GIGYF2: variants seen among roughly 807,000 people sequenced by gnomAD.
GIGYF2 encodes GRB10-interacting GYF protein 2.
Under a neutral mutation model 208.1 loss-of-function variants are expected in GIGYF2, and 25 were observed. The observed-to-expected ratio is 0.12, with a 90% CI of 0.09 to 0.17. The LOEUF is 0.17. GIGYF2 is among the 10% of genes least tolerant of loss of function. The pLI, the probability that GIGYF2 is intolerant of heterozygous loss-of-function variation, is 1.00. For missense variants in GIGYF2, 1,302 were observed against 1,579.4 expected, an observed-to-expected ratio of 0.82 and a Z score of 2.98; for synonymous variants, 534 against 543.8, an observed-to-expected ratio of 0.98 and a Z score of 0.25.
chr2:232,836,925 A>C (rs1461523676), intron 22 of GIGYF2, among the ~76,000 whole-genome samples: 1 of 152,098 alleles, frequency 6.6e-6, no homozygotes, highest in Non-Finnish European at 1.5e-5. Flanking sequence ...CTACACCACT[A>C]CCCTCAGACA....
intron 8 of GIGYF2, among the ~76,000 whole-genome samples, chr2:232,780,773 C>G (rs1270374850): frequency 6.6e-6 from 1 of 152,126 alleles, no homozygotes; most frequent in Admixed American, 6.5e-5. Flanking sequence ...TGTCATGGTG[C>G]TGACGTTACA....
At chr2:232,775,385 A>G (rs548423130) in intron 8 of GIGYF2, among the ~76,000 whole-genome samples, 1 of 152,238 alleles carries the variant, frequency 6.6e-6, no homozygotes, top group Non-Finnish European at 1.5e-5. Context: ...TTAAAGCTCT[A>G]CAGACTTATG....
At chr2:232,845,022 T>C (rs1027380664) in intron 25 of GIGYF2, among the ~76,000 whole-genome samples, 7 of 152,242 alleles carry the variant, frequency 4.6e-5, no homozygotes, top group African/African-American at 1.7e-4. Flanking sequence ...CATCTTTCTT[T>C]CTTCAATATA....
intron 21 of GIGYF2, among the ~76,000 whole-genome samples, chr2:232,823,367 CT>C (rs1172308444): frequency 1.6e-3 from 44 of 27,846 alleles, no homozygotes; most frequent in Admixed American, 3.6e-3. Context: ...TTCTTTCTTT[CT>C]TTTTTTTTTT....
At chr2:232,727,837 T>C (rs78204118) in intron 2 of GIGYF2, among the ~76,000 whole-genome samples, 318 of 152,356 alleles carry the variant, frequency 2.1e-3, no homozygotes, top group Admixed American at 6.2e-3. Flanking sequence ...TCTAGGTCTT[T>C]TGGATACTTC....
At chr2:232,721,523 C>G (rs898357365) in intron 2 of GIGYF2, among the ~76,000 whole-genome samples, 1 of 152,162 alleles carries the variant, frequency 6.6e-6, no homozygotes, top group African/African-American at 2.4e-5. Flanking sequence ...GGTCTTCATC[C>G]TTCTCCATTC....
At chr2:232,748,101 A>G (rs1698216099) in intron 4 of GIGYF2, among the ~76,000 whole-genome samples, 1 of 152,218 alleles carries the variant, frequency 6.6e-6, no homozygotes, top group African/African-American at 2.4e-5. Context: ...TGCCACTTAA[A>G]AATAAAGAGC....
intron 8 of GIGYF2, among the ~76,000 whole-genome samples, chr2:232,772,160 C>T (rs1434229428): frequency 6.6e-6 from 1 of 152,164 alleles, no homozygotes; most frequent in Non-Finnish European, 1.5e-5. Context: ...GCCATCTTCC[C>T]ACTTCAGCCT....
Position 232,858,315 on chromosome 2 carries a change from T to C in GIGYF2, c.*1455T>C, listed in dbSNP as rs1293235080. The C allele has an allele frequency of 2.6e-6, 1 of 377,418 alleles. No individual in the cohort carries two copies. The highest frequency in any genetic ancestry group is 2.1e-5 in the African/African-American group (1 of 46,806). 23.4% of individuals were successfully genotyped at this position (377,418 alleles called of 1,614,324 possible). On this transcript the variant is annotated 3_prime_UTR_variant, in exon 29 of 29. Transcript: ENST00000373563. ...AGAGCAGTTTGGGTTTGGAGTATTA[T>C]ATTTGGCTTCTATTTTTATTATTTT... is the stretch of plus-strand genomic sequence containing the variant.
At chr2:232,851,582 G>A (rs574813867) in intron 28 of GIGYF2, among the ~76,000 whole-genome samples, 2 of 152,214 alleles carry the variant, frequency 1.3e-5, no homozygotes, top group South Asian at 4.1e-4. Flanking sequence ...GCCACACCTG[G>A]CTAATTTTTG....
intron 6 of GIGYF2, among the ~76,000 whole-genome samples, chr2:232,757,310 C>T (rs1024875269): frequency 3.3e-5 from 5 of 152,064 alleles, no homozygotes; most frequent in African/African-American, 1.2e-4. Context: ...GGTACTATTA[C>T]ATAGTTGTGT....
At chr2:232,756,197 C>CTTTTTTTTTTTTTTTTTTTTTTTTTTT in intron 5 of GIGYF2, 26 bp from the exon 6 acceptor site, 1 of 709,936 alleles carries the variant, frequency 1.4e-6, no homozygotes, top group Non-Finnish European at 2.2e-6. Flanking sequence ...TCCTTTTTCT[C>CTTTTTTTTTTTTTTTTTTTTTTTTTTT]TTTTTTTTTT....
intron 8 of GIGYF2, among the ~76,000 whole-genome samples, chr2:232,769,615 T>C (rs975005681): frequency 2.0e-5 from 3 of 152,024 alleles, no homozygotes; most frequent in African/African-American, 7.2e-5. Context: ...GAGGACTGAC[T>C]ATCAGGTAAT....
rs1699071355 is a variant in GIGYF2, at chr2:232,768,478, C to A, written c.532+7042C>A. The A allele has an allele frequency of 9.9e-6, 16 of 1,614,040 alleles. No homozygotes were observed. Among genetic ancestry groups the A allele is most frequent in the Non-Finnish European group, 1.2e-5 (14 of 1,180,024 alleles). The stretch of plus-strand genomic sequence containing the variant: ...ATTGCTGAAAGGAATACAACTAATT[C>A]AAAGTGAGAAGGATTTTCATGCTGG... On this transcript the variant is annotated intron_variant, in intron 8 of 28. Transcript: ENST00000373563.
At chr2:232,713,905 G>T (rs1696544352) in intron 2 of GIGYF2, among the ~76,000 whole-genome samples, 1 of 150,902 alleles carries the variant, frequency 6.6e-6, no homozygotes. Context: ...CCACTGTGAA[G>T]TTAGTTATTC....
Position 232,791,033 on chromosome 2 carries a change from A to G in GIGYF2, c.956A>G (p.Glu319Gly). 6.2e-7 allele frequency: 1 copy of G among 1,614,086 alleles called. No individual in the cohort carries two copies. The highest frequency in any genetic ancestry group is 8.5e-7 in the Non-Finnish European group (1 of 1,179,970). The change falls in exon 11 of 29, where the codon GAA becomes GGA. Residue 319 changes from glutamate (E) to glycine (G), a missense_variant. By Grantham distance (98) the Glu-to-Gly change is moderately conservative. This residue lies in a region of GIGYF2 where 235 missense variants were observed against 218.8 expected (regional missense o/e 1.07). Transcript: ENST00000373563. The stretch of plus-strand genomic sequence containing the variant: ...AAAGTACAGAAAGAGCCTATTCCAG[A>G]AGAGCAGGAGATGGACTTCCGGCCT... ...LKKVQKEPIPEEQEMDFRPVD... is the reference protein window; with the variant it reads ...LKKVQKEPIPGEQEMDFRPVD...
At chr2:232,736,773 T>A (rs1697751269) in intron 3 of GIGYF2, 1 of 152,242 alleles carries the variant, frequency 6.6e-6, no homozygotes, top group Admixed American at 6.5e-5. Flanking sequence ...AATTTGTAAC[T>A]GCTTCTCTTT....
At chr2:232,851,160 A>G (rs1462542778) in intron 28 of GIGYF2, among the ~76,000 whole-genome samples, 2 of 152,190 alleles carry the variant, frequency 1.3e-5, no homozygotes, top group Non-Finnish European at 2.9e-5. Flanking sequence ...ATCTCTAAAA[A>G]AAATTTTAAA....
intron 8 of GIGYF2, among the ~76,000 whole-genome samples, chr2:232,781,322 A>ACACACACACACACACACACAC (rs1559427073): frequency 6.7e-6 from 1 of 149,618 alleles, no homozygotes; most frequent in African/African-American, 2.4e-5. Flanking sequence ...ACACACACAC[A>ACACACACACACACACACACAC]ACTTATAAAG....
Sources: allele counts gnomAD v4.1 joint callset (sites outside exome capture counted in the v4.1 genomes callset), GRCh38; gene constraint gnomAD v4.1.1; regional missense constraint gnomAD v4.1.1; transcripts MANE v1.5; gene names NCBI Gene and HGNC (gene_info 2026-07-23, HGNC 2026-07-21).